COL9A2: variants seen among roughly 807,000 people sequenced by gnomAD.
COL9A2 encodes collagen alpha-2(IX) chain.
Under a neutral mutation model 111.6 loss-of-function variants are expected in COL9A2, and 66 were observed. That is an observed-to-expected ratio of 0.59 (90% CI 0.48 to 0.73). The LOEUF is 0.73. Among genes scored for constraint, COL9A2 ranks in the 30% least tolerant of loss-of-function variants. The pLI is 0.00. For missense variants in COL9A2, 881 were observed against 954.1 expected, an observed-to-expected ratio of 0.92 and a Z score of 1.01; for synonymous variants, 353 against 364.1, an observed-to-expected ratio of 0.97 and a Z score of 0.35.
Position 40,303,007 on chromosome 1 carries a change from T to C in COL9A2, c.1603+124A>G. On this transcript the variant is annotated intron_variant, in intron 29 of 31. Transcript: ENST00000372748. The surrounding 1 kb of genome is among the most constrained non-coding windows in gnomAD (Gnocchi z 4.6). ...CAAGGTCCCAAAACCCTTCAGAGAC[T>C]GGACTGGAAGGAGCCCCCAGGACTC... The C allele has an allele frequency of 1.7e-6, 2 of 1,154,660 alleles. No individual in the cohort carries two copies. The highest frequency in any genetic ancestry group is 1.5e-5 in the African/African-American group (1 of 65,362). 71.5% of individuals were successfully genotyped at this position (1,154,660 alleles called of 1,614,324 possible).
chr1:40,304,990 G>C, intron 21 of COL9A2, 143 bp from the exon 22 acceptor site: 1 of 622,544 alleles, frequency 1.6e-6, no homozygotes, highest in Non-Finnish European at 2.8e-6. Flanking sequence ...CATGGTTTTG[G>C]GTCCCTGTAG....
chr1:40,315,529 T>C, intron 2 of COL9A2, 61 bp downstream of exon 2: 2 of 1,415,952 alleles, frequency 1.4e-6, no homozygotes, highest in Non-Finnish European at 1.9e-6. Context: ...ACCACAGCGC[T>C]CACAAAGTTC....
chr1:40,311,162 G>A lies in COL9A2; in HGVS notation c.577-16C>T, dbSNP rs1460123094. The A allele has an allele frequency of 6.2e-7, 1 of 1,614,216 alleles. No individual in the cohort carries two copies. Among genetic ancestry groups the A allele is most frequent in the Admixed American group, 1.7e-5 (1 of 60,032 alleles). ...CCGCATGCCCCTGAAGGGAAGGAGA[G>A]AGCTCAATACGAGGTCCCCTCCTGT... On this transcript the variant is annotated splice_polypyrimidine_tract_variant and intron_variant, in intron 11 of 31. Transcript: ENST00000372748. The surrounding 1 kb of genome is among the most constrained non-coding windows in gnomAD (Gnocchi z 5.1).
At chr1:40,304,566 C>G (rs748240169) in intron 22 of COL9A2, 37 bp from the exon 23 acceptor site, 130 of 1,612,768 alleles carry the variant, frequency 8.1e-5, no homozygotes, top group Non-Finnish European at 1.1e-4. Flanking sequence ...CTCAGCAGCT[C>G]TCAGCAGGGG....
chr1:40,307,854 G>T lies in COL9A2; in HGVS notation c.901-98C>A. 7.5e-7 allele frequency: 1 copy of T among 1,329,934 alleles called. No homozygotes were observed. Among genetic ancestry groups the T allele is most frequent in the Non-Finnish European group, 1.1e-6 (1 of 934,384 alleles). The allele number at this position is 1,329,934 out of a possible 1,614,324, so 82.4% of individuals were successfully genotyped here. A position where few individuals can be genotyped will look rare whatever the true frequency, so the allele number is the denominator to read the frequency against. On this transcript the variant is annotated intron_variant, in intron 17 of 31. Transcript: ENST00000372748. The surrounding 1 kb of genome is among the most constrained non-coding windows in gnomAD (Gnocchi z 4.8). ...CTCTGAGACAGCTGCAGTGTGCAGG[G>T]AGGGAGTGGCTCTGGTCATCCCAGG...
In COL9A2 at chr1:40,303,411, T is replaced by C; in HGVS notation, c.1548+119A>G. 7.0e-7 allele frequency: 1 copy of C among 1,436,316 alleles called. No individual in the cohort carries two copies. Among genetic ancestry groups the C allele is most frequent in the Non-Finnish European group, 9.6e-7 (1 of 1,045,100 alleles). 89.0% of individuals were successfully genotyped at this position (1,436,316 alleles called of 1,614,324 possible). ...CAGCCTTCCTGTCTGCTCTGGGGCT[T>C]GGAACCAGTCTCGGGGAAGTCGGTG... On this transcript the variant is annotated intron_variant, in intron 28 of 31. Coordinates refer to ENST00000372748, the MANE Select transcript of COL9A2 (RefSeq NM_001852.4). This position sits in a 1 kb window ranked among gnomAD's most constrained non-coding sequence, Gnocchi z 4.6.
chr1:40,316,509 G>A lies in COL9A2; in HGVS notation c.75+614C>T. 2.3e-6 allele frequency: 1 copy of A among 433,962 alleles called. No individual in the cohort carries two copies. The highest frequency in any genetic ancestry group is 4.6e-6 in the Non-Finnish European group (1 of 217,658). 26.9% of individuals were successfully genotyped at this position (433,962 alleles called of 1,614,324 possible). A position where few individuals can be genotyped will look rare whatever the true frequency, so the allele number is the denominator to read the frequency against. Reference sequence around the variant, plus strand: ...GAACAGATCAGAGATCTTAAAAGGCGGCCCTTTTAAGAGGCCAGCTCGGAC... The same window carrying A: ...GAACAGATCAGAGATCTTAAAAGGCAGCCCTTTTAAGAGGCCAGCTCGGAC... On this transcript the variant is annotated intron_variant, in intron 1 of 31. Transcript: ENST00000372748. The surrounding 1 kb of genome is among the most constrained non-coding windows in gnomAD (Gnocchi z 5.5).
intron 22 of COL9A2, 97 bp downstream of exon 22, chr1:40,304,697 G>A (rs1323727805): frequency 7.1e-7 from 1 of 1,404,050 alleles, no homozygotes; most frequent in African/African-American, 1.4e-5. Flanking sequence ...CCCTGCCTGG[G>A]GAGGCATCTC....
At position 40,310,351 on chromosome 1, in the gene COL9A2, T is replaced by G. The variant is rs1335562309; in HGVS notation, c.685-34A>C. On this transcript the variant is annotated intron_variant, in intron 13 of 31. Coordinates refer to ENST00000372748, the MANE Select transcript of COL9A2 (RefSeq NM_001852.4). The surrounding 1 kb of genome is among the most constrained non-coding windows in gnomAD (Gnocchi z 4.9). Reference sequence around the variant, plus strand: ...AAAGAAAAATGACAGCAATGGCAATTGCAAGGCCCACTTCATGATACCTTG... The same window carrying G: ...AAAGAAAAATGACAGCAATGGCAATGGCAAGGCCCACTTCATGATACCTTG... 5.0e-6 allele frequency: 8 copies of G among 1,608,150 alleles called. No homozygotes were observed. The highest frequency in any genetic ancestry group is 6.8e-6 in the Non-Finnish European group (8 of 1,174,998).
In COL9A2 at chr1:40,307,898, G is replaced by A; in HGVS notation, c.901-142C>T. On this transcript the variant is annotated intron_variant, in intron 17 of 31. Coordinates refer to ENST00000372748, the MANE Select transcript of COL9A2 (RefSeq NM_001852.4). The surrounding 1 kb of genome is among the most constrained non-coding windows in gnomAD (Gnocchi z 4.8). Reference sequence around the variant, plus strand: ...TCCCAGGAAGCCCCACTGGCCAACTGGGGGAGGGGAGTTGAAGTGGGAAGG... The same window carrying A: ...TCCCAGGAAGCCCCACTGGCCAACTAGGGGAGGGGAGTTGAAGTGGGAAGG... 1.1e-6 allele frequency: 1 copy of A among 876,846 alleles called. No homozygotes were observed. The highest frequency in any genetic ancestry group is 1.9e-6 in the Non-Finnish European group (1 of 540,240). The allele number at this position is 876,846 out of a possible 1,614,324, so 54.3% of individuals were successfully genotyped here.
chr1:40,312,877 C>T lies in COL9A2; in HGVS notation c.250-93G>A, dbSNP rs1346970821. The T allele has an allele frequency of 7.7e-6, 9 of 1,166,152 alleles. No homozygotes were observed. Among genetic ancestry groups the T allele is most frequent in the South Asian group, 4.0e-5 (3 of 75,386 alleles). The allele number at this position is 1,166,152 out of a possible 1,614,324, so 72.2% of individuals were successfully genotyped here. ...GTTCAAGGGTCCCTCCTGGGTGGGC[C>T]GAGGCTCCTTTTTGCCACACCTCAT... is the stretch of plus-strand genomic sequence containing the variant. On this transcript the variant is annotated intron_variant, in intron 4 of 31. Transcript: ENST00000372748. The surrounding 1 kb of genome is among the most constrained non-coding windows in gnomAD (Gnocchi z 6.0).
At position 40,311,468 on chromosome 1, in the gene COL9A2, G is replaced by C. The variant is rs200429287; in HGVS notation, c.519+32C>G. The C allele has an allele frequency of 1.4e-3, 2,072 of 1,462,966 alleles. 6 individuals carry two copies. Among genetic ancestry groups the C allele is most frequent in the Admixed American group, 1.7e-3 (90 of 53,468 alleles). 90.6% of individuals were successfully genotyped at this position (1,462,966 alleles called of 1,614,324 possible). A position where few individuals can be genotyped will look rare whatever the true frequency, so the allele number is the denominator to read the frequency against. On this transcript the variant is annotated intron_variant, in intron 10 of 31. Coordinates refer to ENST00000372748, the MANE Select transcript of COL9A2 (RefSeq NM_001852.4). The surrounding 1 kb of genome is among the most constrained non-coding windows in gnomAD (Gnocchi z 5.1). ...CCCATCTCTGTGGCCCCGCCCCCCT[G>C]TGTTAGCCCCGCCCCAGACCTCGTC...
At chr1:40,315,009 G>A (rs1644193324) in intron 2 of COL9A2, among the ~76,000 whole-genome samples, 1 of 152,100 alleles carries the variant, frequency 6.6e-6, no homozygotes, top group African/African-American at 2.4e-5. Context: ...CTGGCCGGGG[G>A]CCCAGCATCC....
At position 40,308,250 on chromosome 1, in the gene COL9A2, A is replaced by G. The variant is rs1366076707; in HGVS notation, c.847-5T>C. 3.7e-6 allele frequency: 6 copies of G among 1,613,878 alleles called. No individual in the cohort carries two copies. Among genetic ancestry groups the G allele is most frequent in the Non-Finnish European group, 5.1e-6 (6 of 1,179,900 alleles). ...TCCACGAATACCTGGGCTGCCCTGC[A>G]AAGCGGAGAGAGATCAGGTCACCCT... On this transcript the variant is annotated splice_region_variant and splice_polypyrimidine_tract_variant and intron_variant, in intron 16 of 31. Transcript: ENST00000372748.
At chr1:40,301,571 A>G (rs1002428610) in intron 31 of COL9A2, among the ~76,000 whole-genome samples, 190 bp from the exon 32 acceptor site, 1 of 152,166 alleles carries the variant, frequency 6.6e-6, no homozygotes, top group Non-Finnish European at 1.5e-5. Context: ...TTTGGGAGCA[A>G]ACATCCCTTC....
Position 40,311,086 on chromosome 1 carries a change from C to T in COL9A2, c.630+7G>A. On this transcript the variant is annotated splice_region_variant and intron_variant, in intron 12 of 31. Transcript: ENST00000372748. This position sits in a 1 kb window ranked among gnomAD's most constrained non-coding sequence, Gnocchi z 5.1. ...CCTGACCCACAGCCCTCAGCCCTTG[C>T]ACTCACCGGCTTCCCCTGGTGGCCA... 6.2e-7 allele frequency: 1 copy of T among 1,614,012 alleles called. No individual in the cohort carries two copies. The highest frequency in any genetic ancestry group is 8.5e-7 in the Non-Finnish European group (1 of 1,180,012).
intron 31 of COL9A2, 27 bp downstream of exon 31, chr1:40,301,785 T>A (rs751603033): frequency 5.6e-6 from 9 of 1,607,634 alleles, no homozygotes; most frequent in Admixed American, 3.3e-5. Context: ...AGGAACACAC[T>A]GCAGCTGGGC....
Position 40,302,590 on chromosome 1 carries a change from G to A in COL9A2, c.1792+31C>T, listed in dbSNP as rs1448714109. Reference sequence around the variant, plus strand: ...GGCCTGGACAAATCCTCACTGCCTGGCCCCCATGCCCACCGCAGAGGAGCA... The same window carrying A: ...GGCCTGGACAAATCCTCACTGCCTGACCCCCATGCCCACCGCAGAGGAGCA... On this transcript the variant is annotated intron_variant, in intron 30 of 31. Coordinates refer to ENST00000372748, the MANE Select transcript of COL9A2 (RefSeq NM_001852.4). The surrounding 1 kb of genome is among the most constrained non-coding windows in gnomAD (Gnocchi z 4.5). 3 of 1,574,898 alleles carry A rather than the reference G, an allele frequency of 1.9e-6. No homozygotes were observed. The East Asian group carries it at 7.1e-5, about 37-fold the overall frequency.
rs371057771 is a variant in COL9A2 at position 40,311,491 on chromosome 1, G to A, written c.519+9C>T. Reference sequence around the variant, plus strand: ...CTGTGTTAGCCCCGCCCCAGACCTCGTCTCTCACCAGGAAATCCGCACTGC... The same window carrying A: ...CTGTGTTAGCCCCGCCCCAGACCTCATCTCTCACCAGGAAATCCGCACTGC... On this transcript the variant is annotated intron_variant, in intron 10 of 31. Transcript: ENST00000372748. This position sits in a 1 kb window ranked among gnomAD's most constrained non-coding sequence, Gnocchi z 5.1. The A allele has an allele frequency of 4.8e-6, 7 of 1,446,454 alleles. No individual in the cohort carries two copies. The highest frequency in any genetic ancestry group is 1.5e-5 in the African/African-American group (1 of 64,880). 89.6% of individuals were successfully genotyped at this position (1,446,454 alleles called of 1,614,324 possible). A position where few individuals can be genotyped will look rare whatever the true frequency, so the allele number is the denominator to read the frequency against.
Sources: gnomAD v4.1 joint callset for allele counts (sites outside exome capture counted in the v4.1 genomes callset) on GRCh38, gnomAD v4.1.1 for gene constraint, Gnocchi (gnomAD v3.1) non-coding constraint, MANE v1.5 for transcripts, NCBI Gene and HGNC (gene_info 2026-07-23, HGNC 2026-07-21) for gene names.